The following VAMP7 variants were observed in gnomAD, a reference collection of about 807,000 sequenced individuals.
VAMP7 encodes the protein vesicle-associated membrane protein 7.
VAMP7 carries 14 observed loss-of-function variants against 29.6 expected under a neutral mutation model. The ratio of observed to expected loss-of-function variants is 0.47; its 90% CI spans 0.31 to 0.74. The LOEUF (loss-of-function observed/expected upper bound fraction) is 0.74. Ranked by LOEUF, VAMP7 falls within the 30% of genes least tolerant of loss-of-function variation. The pLI, the probability that VAMP7 is intolerant of heterozygous loss-of-function variation, is 0.05. For missense variants in VAMP7, 223 were observed against 262.4 expected, an observed-to-expected ratio of 0.85 and a Z score of 1.04; for synonymous variants, 95 against 88.1, an observed-to-expected ratio of 1.08 and a Z score of -0.44.
At position 155,918,442 on chromosome X, in the gene VAMP7, C is replaced by T. The variant is rs144146866; in HGVS notation, c.434-1371C>T. Among the ~76,000 whole-genome samples the T allele has an allele frequency of 6.5e-3, 997 of 152,280 alleles. 4 individuals carry two copies. Among genetic ancestry groups the T allele is most frequent in the Middle Eastern group, 0.014 (4 of 294 alleles). On this transcript the variant is annotated intron_variant, in intron 5 of 7. Transcript: ENST00000286448. ...AAACCCAGGTCCCTGGTGGCATAGG[C>T]ACCCAAGGGAATCTCCTGGTCTGCA...
chrX:155,908,422 G>A (rs1478945211), intron 5 of VAMP7, among the ~76,000 whole-genome samples: 3 of 152,164 alleles, frequency 2.0e-5, no homozygotes, highest in Non-Finnish European at 2.9e-5. Flanking sequence ...AGTCAGGCGT[G>A]GCAGCACTCG....
intron 1 of VAMP7, among the ~76,000 whole-genome samples, chrX:155,881,818 T>A (rs1394292322): frequency 6.6e-6 from 1 of 152,138 alleles, no homozygotes; most frequent in Non-Finnish European, 1.5e-5. Flanking sequence ...ACTTTCTGCT[T>A]CACCTTCTAC....
intron 5 of VAMP7, among the ~76,000 whole-genome samples, chrX:155,918,991 G>A (rs180993099): frequency 1.8e-4 from 28 of 152,182 alleles, no homozygotes; most frequent in African/African-American, 5.1e-4. Flanking sequence ...CTAGTATTTC[G>A]TTGAGGATTT....
chrX:155,916,846 T>C (rs773857598), intron 5 of VAMP7, among the ~76,000 whole-genome samples: 1 of 152,296 alleles, frequency 6.6e-6, no homozygotes, highest in East Asian at 1.9e-4. Context: ...GGAGTTGCTC[T>C]TCTCGAGGAG....
At chrX:155,931,934 A>C (rs2124386061) in intron 6 of VAMP7, among the ~76,000 whole-genome samples, 1 of 152,262 alleles carries the variant, frequency 6.6e-6, no homozygotes, top group Non-Finnish European at 1.5e-5. Flanking sequence ...ATGGCTAGCC[A>C]GTTTTCCCAG....
At chrX:155,917,871 G>A (rs1047855620) in intron 5 of VAMP7, among the ~76,000 whole-genome samples, 1 of 152,288 alleles carries the variant, frequency 6.6e-6, no homozygotes, top group African/African-American at 2.4e-5. Flanking sequence ...CGAACTGGCA[G>A]GCAGGAACGT....
intron 6 of VAMP7, among the ~76,000 whole-genome samples, chrX:155,926,113 G>A (rs2037298896): frequency 6.6e-6 from 1 of 152,062 alleles, no homozygotes; most frequent in South Asian, 2.1e-4. Context: ...ATTCTTACGG[G>A]CCCTAGATTT....
intron 2 of VAMP7, among the ~76,000 whole-genome samples, chrX:155,891,946 TC>T (rs1792196949): frequency 6.6e-6 from 1 of 152,320 alleles, no homozygotes; most frequent in African/African-American, 2.4e-5. Flanking sequence ...TCTTTGTGTT[TC>T]TAGGCAGTTC....
At chrX:155,900,202 C>G (rs2066042717) in intron 4 of VAMP7, among the ~76,000 whole-genome samples, 1 of 151,908 alleles carries the variant, frequency 6.6e-6, no homozygotes, top group South Asian at 2.1e-4. Flanking sequence ...ATATCCCCCC[C>G]AATCTCTGCC....
chrX:155,911,638 T>G (rs2066239287), intron 5 of VAMP7, among the ~76,000 whole-genome samples: 1 of 152,132 alleles, frequency 6.6e-6, no homozygotes, highest in African/African-American at 2.4e-5. Context: ...CATCAGTGTT[T>G]TGTAGTTTTA....
intron 5 of VAMP7, among the ~76,000 whole-genome samples, chrX:155,901,888 G>T (rs2124280699): frequency 6.6e-6 from 1 of 152,212 alleles, no homozygotes; most frequent in Non-Finnish European, 1.5e-5. Context: ...CTTTAAAGTA[G>T]TTTCTTCCAA....
chrX:155,931,394 A>T (rs969219758), intron 6 of VAMP7, among the ~76,000 whole-genome samples: 1 of 152,056 alleles, frequency 6.6e-6, no homozygotes, highest in African/African-American at 2.4e-5. Context: ...CTTTTTAATG[A>T]TCGCCATTCT....
chrX:155,907,802 C>G (rs752816754), intron 5 of VAMP7, among the ~76,000 whole-genome samples: 1 of 152,168 alleles, frequency 6.6e-6, no homozygotes, highest in African/African-American at 2.4e-5. Context: ...ACCTCCCAGA[C>G]GGGGCGGCTG....
intron 6 of VAMP7, among the ~76,000 whole-genome samples, chrX:155,923,811 C>T (rs1569447529): frequency 6.6e-6 from 1 of 151,968 alleles, no homozygotes; most frequent in East Asian, 1.9e-4. Context: ...ATTTTTAAGT[C>T]TTTTTTCCAC....
At chrX:155,901,055 C>G (rs771474539) in intron 5 of VAMP7, among the ~76,000 whole-genome samples, 2 of 152,086 alleles carry the variant, frequency 1.3e-5, no homozygotes, top group Non-Finnish European at 2.9e-5. Context: ...GTCAATTGGA[C>G]TGAACAGTAT....
chrX:155,932,182 G>C, intron 6 of VAMP7, among the ~76,000 whole-genome samples: 1 of 152,286 alleles, frequency 6.6e-6, no homozygotes, highest in East Asian at 1.9e-4. Flanking sequence ...GATTGACTTG[G>C]CAATGCAGGC....
chrX:155,919,709 G>A, intron 5 of VAMP7, 104 bp from the exon 6 acceptor site: 2 of 990,744 alleles, frequency 2.0e-6, no homozygotes, highest in South Asian at 1.4e-5. Context: ...CTGTCCTTTG[G>A]CCCCAGGACA....
intron 2 of VAMP7, among the ~76,000 whole-genome samples, chrX:155,890,857 C>T (rs1227058475): frequency 6.6e-6 from 1 of 152,150 alleles, no homozygotes; most frequent in Non-Finnish European, 1.5e-5. Flanking sequence ...CTATGGCTAA[C>T]CCCTTATACA....
chrX:155,895,423 C>G (rs1160504444), intron 2 of VAMP7, among the ~76,000 whole-genome samples, 200 bp from the exon 3 acceptor site: 1 of 152,042 alleles, frequency 6.6e-6, no homozygotes, highest in Non-Finnish European at 1.5e-5. Context: ...GAATAGAGAT[C>G]TTTTTATTTC....
Sources: gnomAD v4.1 joint callset for allele counts (sites outside exome capture counted in the v4.1 genomes callset) on GRCh38, gnomAD v4.1.1 for gene constraint, MANE v1.5 for transcripts, NCBI Gene and HGNC (gene_info 2026-07-23, HGNC 2026-07-21) for gene names.